Variants in NKAIN2 observed in about 807,000 individuals in gnomAD.
The protein encoded by NKAIN2 is sodium/potassium transporting ATPase interacting 2, also known as sodium/potassium-transporting ATPase subunit beta-1-interacting protein 2.
A neutral mutation model predicts 32.6 loss-of-function variants in NKAIN2; 14 were observed. The ratio of observed to expected loss-of-function variants is 0.43; its 90% CI spans 0.28 to 0.67. The LOEUF (loss-of-function observed/expected upper bound fraction) is 0.67, where lower values mean the gene tolerates loss of function less well. Ranked by LOEUF, NKAIN2 falls within the 30% of genes least tolerant of loss-of-function variation. The pLI is 0.17. For missense variants in NKAIN2, 198 were observed against 258.3 expected (o/e 0.77, Z 1.60); for synonymous variants, 80 against 87.2 (o/e 0.92, Z 0.46).
chr6:124,042,897 G>A (rs1330016158), intron 1 of NKAIN2, among the ~76,000 whole-genome samples: 1 of 151,938 alleles, frequency 6.6e-6, no homozygotes, highest in Non-Finnish European at 1.5e-5. Flanking sequence ...TTTCATATTA[G>A]GATGAATGTT....
chr6:124,724,527 C>T (rs769845965), intron 4 of NKAIN2, among the ~76,000 whole-genome samples: 3 of 152,206 alleles, frequency 2.0e-5, no homozygotes, highest in Non-Finnish European at 2.9e-5. Flanking sequence ...GTTCAGTCCA[C>T]TGCAGTACAA....
intron 1 of NKAIN2, among the ~76,000 whole-genome samples, chr6:124,224,247 T>C (rs1259983722): frequency 6.6e-6 from 1 of 152,174 alleles, no homozygotes; most frequent in Non-Finnish European, 1.5e-5. Context: ...ATTTATGTTT[T>C]GAAGGAGAGA....
At chr6:124,648,658 T>C (rs1218230866) in intron 3 of NKAIN2, among the ~76,000 whole-genome samples, 1 of 152,110 alleles carries the variant, frequency 6.6e-6, no homozygotes, top group Non-Finnish European at 1.5e-5. Context: ...ATAGTTCACC[T>C]GAAAAAGAAC....
intron 1 of NKAIN2, among the ~76,000 whole-genome samples, chr6:124,158,215 T>C (rs1378034755): frequency 1.3e-5 from 2 of 152,148 alleles, no homozygotes; most frequent in African/African-American, 4.8e-5. Flanking sequence ...TCCTTTGTTC[T>C]TTCTCTTCTT....
intron 2 of NKAIN2, among the ~76,000 whole-genome samples, chr6:124,298,516 A>G (rs1415937978): frequency 6.6e-6 from 1 of 152,132 alleles, no homozygotes; most frequent in African/African-American, 2.4e-5. Context: ...CAAAATGTCC[A>G]TTGTTCACTA....
chr6:124,219,020 T>C (rs950571890), intron 1 of NKAIN2, among the ~76,000 whole-genome samples: 3 of 151,844 alleles, frequency 2.0e-5, no homozygotes, highest in African/African-American at 7.3e-5. Context: ...AGAAGGAACT[T>C]CCAAACGCTT....
chr6:123,982,846 T>C (rs1038167610), intron 1 of NKAIN2, among the ~76,000 whole-genome samples: 1 of 152,132 alleles, frequency 6.6e-6, no homozygotes, highest in Non-Finnish European at 1.5e-5. Context: ...GGGTTATCAA[T>C]ATGAGATGCA....
rs544207744 is a variant in NKAIN2, at chr6:123,820,486, G to A, written c.54+16232G>A. 5.3e-5 allele frequency among the ~76,000 whole-genome samples: 8 copies of A among 152,288 alleles called. No individual in the cohort carries two copies. In the East Asian group the frequency reaches 1.2e-3, roughly 22 times the overall value. ...TCAGTTCTGTAGACACATGTTTGTA[G>A]ATGCACTTCCCATTAATGTGGCAGC... On this transcript the variant is annotated intron_variant, in intron 1 of 6. Coordinates refer to ENST00000368417, the MANE Select transcript of NKAIN2 (RefSeq NM_001040214.3).
At chr6:124,023,420 T>C (rs1203647537) in intron 1 of NKAIN2, among the ~76,000 whole-genome samples, 1 of 152,104 alleles carries the variant, frequency 6.6e-6, no homozygotes, top group African/African-American at 2.4e-5. Flanking sequence ...TTTCAAAGCT[T>C]TCCCCCTCTT....
At chr6:123,986,290 C>A (rs1779131937) in intron 1 of NKAIN2, among the ~76,000 whole-genome samples, 1 of 152,096 alleles carries the variant, frequency 6.6e-6, no homozygotes, top group Non-Finnish European at 1.5e-5. Context: ...ATTTAAGGAG[C>A]ATTAAATAAA....
chr6:124,763,172 A>G (rs1049429624), intron 4 of NKAIN2, among the ~76,000 whole-genome samples: 1 of 152,214 alleles, frequency 6.6e-6, no homozygotes, highest in African/African-American at 2.4e-5. Context: ...TAGCCAAAAC[A>G]TTCAAACTTT....
At chr6:124,398,657 T>C (rs1188912576) in intron 3 of NKAIN2, among the ~76,000 whole-genome samples, 1 of 152,172 alleles carries the variant, frequency 6.6e-6, no homozygotes, top group Non-Finnish European at 1.5e-5. Flanking sequence ...ATAGAGGCAA[T>C]TTAAAATTGT....
chr6:124,376,709 C>T (rs1800008987), intron 3 of NKAIN2, among the ~76,000 whole-genome samples: 1 of 152,084 alleles, frequency 6.6e-6, no homozygotes, highest in Non-Finnish European at 1.5e-5. Flanking sequence ...CAATATAAAA[C>T]AGAATAATGT....
chr6:124,763,254 T>C (rs545228894), intron 4 of NKAIN2, among the ~76,000 whole-genome samples: 1 of 152,356 alleles, frequency 6.6e-6, no homozygotes, highest in Non-Finnish European at 1.5e-5. Context: ...ATATTAGTTC[T>C]TGCACTGCTA....
chr6:124,300,993 A>G (rs1339669059), intron 2 of NKAIN2, among the ~76,000 whole-genome samples: 1 of 152,192 alleles, frequency 6.6e-6, no homozygotes, highest in Non-Finnish European at 1.5e-5. Context: ...GCCAAATGCT[A>G]ATCACCAAGA....
chr6:123,903,599 CT>C (rs1260683373), intron 1 of NKAIN2, among the ~76,000 whole-genome samples: 1 of 152,134 alleles, frequency 6.6e-6, no homozygotes, highest in Non-Finnish European at 1.5e-5. Context: ...ACTTAGCCCC[CT>C]TTTTTCTCCA....
intron 5 of NKAIN2, among the ~76,000 whole-genome samples, chr6:124,806,042 G>T (rs553983695): frequency 6.6e-6 from 1 of 151,156 alleles, no homozygotes; most frequent in Non-Finnish European, 1.5e-5. Context: ...CGGGGAGAAC[G>T]GAACCAAGTT....
rs189594293 is a variant in NKAIN2, at chr6:124,286,117, G to A, written c.192+2975G>A. On this transcript the variant is annotated intron_variant, in intron 2 of 6. Coordinates refer to ENST00000368417, the MANE Select transcript of NKAIN2 (RefSeq NM_001040214.3). ...TCATGACTGAAGATTAACATTTTGCGTATTTCCTTTGTGTACATACAAATG... is the reference window on the plus strand; with the variant it reads ...TCATGACTGAAGATTAACATTTTGCATATTTCCTTTGTGTACATACAAATG... 2.2e-3 allele frequency among the ~76,000 whole-genome samples: 342 copies of A among 152,078 alleles called. 2 individuals are homozygous for A. The highest frequency in any genetic ancestry group is 7.1e-3 in the African/African-American group (295 of 41,510).
At chr6:123,985,193 A>G (rs1310599599) in intron 1 of NKAIN2, among the ~76,000 whole-genome samples, 1 of 152,128 alleles carries the variant, frequency 6.6e-6, no homozygotes, top group Non-Finnish European at 1.5e-5. Context: ...TGAGGTCAGG[A>G]GTTTGAGACC....
Sources: allele counts gnomAD v4.1 joint callset (sites outside exome capture counted in the v4.1 genomes callset), GRCh38; gene constraint gnomAD v4.1.1; transcripts MANE v1.5; gene names NCBI Gene and HGNC (gene_info 2026-07-23, HGNC 2026-07-21).